The following LRFN5 variants were observed in gnomAD, a reference collection of about 807,000 sequenced individuals.
LRFN5 encodes the protein leucine-rich repeat and fibronectin type-III domain-containing protein 5.
Under a neutral mutation model 45.6 loss-of-function variants are expected in LRFN5, and 24 were observed. The observed-to-expected ratio is 0.53, with a 90% CI of 0.38 to 0.74. The LOEUF is 0.74. Among genes scored for constraint, LRFN5 ranks in the 30% least tolerant of loss-of-function variants. The pLI is 0.00. For missense variants in LRFN5, 776 were observed against 861.5 expected (o/e 0.90, Z 1.24); for synonymous variants, 340 against 313.8 (o/e 1.08, Z -0.88).
chr14:41,782,974 CTTTTTT>C (rs57305924), intron 2 of LRFN5, among the ~76,000 whole-genome samples: 2 of 127,634 alleles, frequency 1.6e-5, no homozygotes, highest in Non-Finnish European at 3.2e-5. Flanking sequence ...GGTGATACAG[CTTTTTT>C]TTTTTTTTTT....
At chr14:41,755,943 C>G (rs1052095542) in intron 1 of LRFN5, among the ~76,000 whole-genome samples, 1 of 152,098 alleles carries the variant, frequency 6.6e-6, no homozygotes, top group Non-Finnish European at 1.5e-5. Context: ...CTTCAGGAGC[C>G]CTTTTAGGGC....
At chr14:41,700,278 A>C (rs1882784607) in intron 1 of LRFN5, 1 of 152,064 alleles carries the variant, frequency 6.6e-6, no homozygotes, top group African/African-American at 2.4e-5. Flanking sequence ...GAAAGGAACA[A>C]ATGAGTTGAG....
intron 1 of LRFN5, among the ~76,000 whole-genome samples, chr14:41,644,876 A>T (rs192803087): frequency 6.6e-5 from 10 of 152,312 alleles, no homozygotes; most frequent in Admixed American, 2.6e-4. Context: ...AATCTTTAAA[A>T]TGAGATGGGA....
chr14:41,814,257 T>C (rs531198785), intron 2 of LRFN5, among the ~76,000 whole-genome samples: 3 of 152,274 alleles, frequency 2.0e-5, no homozygotes, highest in East Asian at 3.9e-4. Context: ...CTGAATGGTA[T>C]TGGATTTAGA....
rs192827439 is a variant in LRFN5 at position 41,746,665 on chromosome 14, A to T, written c.-196-20189A>T. Among the ~76,000 whole-genome samples, 6 of 152,096 alleles carry T rather than the reference A, an allele frequency of 3.9e-5. No homozygotes were observed. The East Asian group carries it at 7.7e-4, about 20-fold the overall frequency. Reference sequence around the variant, plus strand: ...TACTGTGTACTCACAAAAATTTTTTAAAAAAGCAAAAATACATTAGGCACT... The same window carrying T: ...TACTGTGTACTCACAAAAATTTTTTTAAAAAGCAAAAATACATTAGGCACT... On this transcript the variant is annotated intron_variant, in intron 1 of 5. Coordinates refer to ENST00000298119, the MANE Select transcript of LRFN5 (RefSeq NM_152447.5).
chr14:41,866,112 A>T (rs1889831213), intron 2 of LRFN5, among the ~76,000 whole-genome samples: 1 of 152,164 alleles, frequency 6.6e-6, no homozygotes, highest in Non-Finnish European at 1.5e-5. Flanking sequence ...CATCTAAAAA[A>T]CTACTCCCAA....
chr14:41,754,479 C>T (rs1885285922), intron 1 of LRFN5, among the ~76,000 whole-genome samples: 2 of 152,032 alleles, frequency 1.3e-5, no homozygotes, highest in Non-Finnish European at 2.9e-5. Flanking sequence ...CAACTTCTTC[C>T]TGGTTTAGTC....
At chr14:41,801,421 CT>C in intron 2 of LRFN5, among the ~76,000 whole-genome samples, 1 of 152,104 alleles carries the variant, frequency 6.6e-6, no homozygotes. Flanking sequence ...TAATGTAGAA[CT>C]TTTAGTCATC....
intron 1 of LRFN5, among the ~76,000 whole-genome samples, chr14:41,730,678 T>C (rs1003766497): frequency 6.6e-6 from 1 of 152,036 alleles, no homozygotes; most frequent in South Asian, 2.1e-4. Flanking sequence ...TTTTACGTAA[T>C]GATTTTTCTG....
At chr14:41,803,140 A>C (rs1171066238) in intron 2 of LRFN5, among the ~76,000 whole-genome samples, 1 of 152,172 alleles carries the variant, frequency 6.6e-6, no homozygotes, top group Admixed American at 6.5e-5. Flanking sequence ...ATGTGTAAAA[A>C]TCAGATAAGT....
intron 1 of LRFN5, among the ~76,000 whole-genome samples, chr14:41,611,583 A>T (rs2138538122): frequency 6.6e-6 from 1 of 152,312 alleles, no homozygotes; most frequent in African/African-American, 2.4e-5. Context: ...ATAGGTGAAA[A>T]GAAGTTGTCA....
intron 2 of LRFN5, among the ~76,000 whole-genome samples, chr14:41,822,815 C>T (rs979676767): frequency 6.7e-6 from 1 of 148,584 alleles, no homozygotes; most frequent in African/African-American, 2.5e-5. Context: ...TTTATGAATC[C>T]AGGTGCTCTG....
At chr14:41,870,225 T>A (rs1406695277) in intron 2 of LRFN5, among the ~76,000 whole-genome samples, 8 of 152,156 alleles carry the variant, frequency 5.3e-5, no homozygotes, top group Non-Finnish European at 7.4e-5. Flanking sequence ...TATGACAGTT[T>A]GATTTTTCAA....
At chr14:41,659,892 G>GT (rs11352345) in intron 1 of LRFN5, among the ~76,000 whole-genome samples, 11,026 of 123,784 alleles carry the variant, frequency 0.089, 471 homozygotes, top group South Asian at 0.12. Flanking sequence ...ACTTTTTGAT[G>GT]TTTTTTTTTT....
chr14:41,800,156 T>C (rs1326554933), intron 2 of LRFN5, among the ~76,000 whole-genome samples: 2 of 152,098 alleles, frequency 1.3e-5, no homozygotes, highest in African/African-American at 4.8e-5. Flanking sequence ...TCACTTAAAA[T>C]TTCAAGTTGC....
chr14:41,634,228 G>GT (rs1178863180), intron 1 of LRFN5, among the ~76,000 whole-genome samples: 3 of 152,074 alleles, frequency 2.0e-5, no homozygotes, highest in Admixed American at 6.6e-5. Context: ...TTTTAGATCT[G>GT]TGTGAATCAC....
chr14:41,643,716 C>A (rs1462667690), intron 1 of LRFN5, among the ~76,000 whole-genome samples: 1 of 139,016 alleles, frequency 7.2e-6, no homozygotes. Flanking sequence ...ACACACCACA[C>A]ACACACACAC....
At chr14:41,803,263 A>T (rs1887401207) in intron 2 of LRFN5, among the ~76,000 whole-genome samples, 1 of 152,126 alleles carries the variant, frequency 6.6e-6, no homozygotes, top group Non-Finnish European at 1.5e-5. Flanking sequence ...TTTTATGTAC[A>T]TTCTTTTCCA....
At chr14:41,803,728 T>A (rs371961314) in intron 2 of LRFN5, among the ~76,000 whole-genome samples, 101 of 152,268 alleles carry the variant, frequency 6.6e-4, no homozygotes, top group African/African-American at 2.3e-3. Context: ...CATAGTGAGT[T>A]CTCAAAATGT....
Sources: gnomAD v4.1 joint callset for allele counts (sites outside exome capture counted in the v4.1 genomes callset) on GRCh38, gnomAD v4.1.1 for gene constraint, MANE v1.5 for transcripts, NCBI Gene and HGNC (gene_info 2026-07-23, HGNC 2026-07-21) for gene names.